Variants in RBM3 observed in about 807,000 individuals in gnomAD.
RBM3 encodes the protein RNA binding motif protein 3.
In RBM3, 3 loss-of-function variants were observed where a neutral mutation model predicts 12.0. The observed-to-expected ratio is 0.25, with a 90% CI of 0.11 to 0.65. RBM3 has a LOEUF of 0.65. RBM3 is among the 30% of genes least tolerant of loss of function. RBM3 has a pLI of 0.84. For synonymous variants in RBM3, 58 were observed against 45.7 expected, an observed-to-expected ratio of 1.27 and a Z score of -1.08; for missense variants, 108 against 134.5, an observed-to-expected ratio of 0.80 and a Z score of 0.97.
In RBM3 at chrX:48,577,008, G is replaced by T. The variant is rs201091323; in HGVS notation, c.414-18G>T. 5,143 of 1,204,602 alleles carry T rather than the reference G, an allele frequency of 4.3e-3. 13 individuals are homozygous for T. The highest frequency in any genetic ancestry group is 9.3e-3 in the South Asian group (525 of 56,307). On this transcript the variant is annotated intron_variant, in intron 5 of 6. Coordinates refer to ENST00000376759, the MANE Select transcript of RBM3 (RefSeq NM_006743.5). ...ATGCAGTACCAGAAAACTTTTGTGT[G>T]TTTTTTTTCCCCCCCAGAAACCAGG...
rs782290803 is a variant in RBM3 at position 48,575,180 on chromosome X, C to T, written c.-1C>T. The T allele has an allele frequency of 1.8e-5, 22 of 1,203,520 alleles. No individual in the cohort carries two copies. The highest frequency in any genetic ancestry group is 4.4e-5 in the Admixed American group (2 of 45,527). ...GTTCTTCCCACAGGACTTGAACTGCCATGTCCTCTGAAGAAGGAAAGCTCT... is the reference window on the plus strand; with the variant it reads ...GTTCTTCCCACAGGACTTGAACTGCTATGTCCTCTGAAGAAGGAAAGCTCT... On this transcript the variant is annotated 5_prime_UTR_variant, in exon 2 of 7. Transcript: ENST00000376759.
At chrX:48,575,367 A>G in intron 2 of RBM3, 84 bp downstream of exon 2, 4 of 930,351 alleles carry the variant, frequency 4.3e-6, no homozygotes, top group Non-Finnish European at 6.1e-6. Flanking sequence ...CTGAAAAGTT[A>G]GGACCCACGC....
chrX:48,577,680 A>C lies in RBM3; in HGVS notation c.*239A>C, dbSNP rs1206210559. ...AAGACAAATTATGGGACGTTTGTAG[A>C]ACCTGAGTATTTTTCTTTTTACCAG... On this transcript the variant is annotated 3_prime_UTR_variant, in exon 7 of 7. Transcript: ENST00000376759. 1 of 211,348 alleles carries C rather than the reference A, an allele frequency of 4.7e-6. No homozygotes were observed. Among genetic ancestry groups the C allele is most frequent in the Non-Finnish European group, 8.3e-6 (1 of 120,853 alleles). The allele number at this position is 211,348 out of a possible 1,213,427, so 17.4% of individuals were successfully genotyped here.
At position 48,580,372 on chromosome X, in the gene RBM3, A is replaced by G. The variant is rs1421859807; in HGVS notation, c.*2931A>G. 9.0e-6 allele frequency among the ~76,000 whole-genome samples: 1 copy of G among 110,597 alleles called. No homozygotes were observed. Among genetic ancestry groups the G allele is most frequent in the Non-Finnish European group, 1.9e-5 (1 of 52,846 alleles). ...CCATAAAATGGAAATAATAATACCC[A>G]CCTCACACAGGGGTTAGGAGTGTTT... On this transcript the variant is annotated 3_prime_UTR_variant, in exon 7 of 7. Coordinates refer to ENST00000376759, the MANE Select transcript of RBM3 (RefSeq NM_006743.5).
At position 48,576,518 on chromosome X, in the gene RBM3, C is replaced by T. The variant is rs376242874; in HGVS notation, c.327C>T (p.Asp109=). The T allele has an allele frequency of 3.5e-5, 42 of 1,193,269 alleles. No individual in the cohort carries two copies. Among genetic ancestry groups the T allele is most frequent in the Non-Finnish European group, 4.6e-5 (41 of 886,723 alleles). The change falls in exon 5 of 7, where the codon GAC becomes GAT. Residue 109 remains aspartate (D), a synonymous_variant. Transcript: ENST00000376759. ...RGRSYSRGGG[D]QGYGSGRYYD... ...ATTTTTCTGCTCTAGGTGGTGGGGA[C>T]CAGGGCTATGGGAGTGGCAGGTATT...
In RBM3 at chrX:48,579,237, T is replaced by C. The variant is rs1283481773; in HGVS notation, c.*1796T>C. Among the ~76,000 whole-genome samples the C allele has an allele frequency of 8.9e-6, 1 of 111,921 alleles. No homozygotes were observed. The highest frequency in any genetic ancestry group is 9.6e-5 in the Admixed American group (1 of 10,448). On this transcript the variant is annotated 3_prime_UTR_variant, in exon 7 of 7. Coordinates refer to ENST00000376759, the MANE Select transcript of RBM3 (RefSeq NM_006743.5). ...TAGTTTGGAACAGAAAAATCTGTTG[T>C]ATTCATGGCTTTCACCTGGCTAATA...
chrX:48,580,419 CAG>C lies in RBM3; in HGVS notation c.*2979_*2980del. Among the ~76,000 whole-genome samples the C allele has an allele frequency of 9.0e-6, 1 of 111,250 alleles. No homozygotes were observed. The highest frequency in any genetic ancestry group is 3.8e-4 in the South Asian group (1 of 2,665). On this transcript the variant is annotated 3_prime_UTR_variant, in exon 7 of 7. Coordinates refer to ENST00000376759, the MANE Select transcript of RBM3 (RefSeq NM_006743.5). ...GTTTTTTTGTTGGTTTTTTTCCAGA[CAG>C]GGTCTCACTCTGTCTCCCAGGCTGG...
intron 6 of RBM3, 159 bp downstream of exon 6, chrX:48,577,268 G>A (rs2062085128): frequency 2.8e-6 from 3 of 1,087,893 alleles, no homozygotes; most frequent in South Asian, 4.6e-5. Flanking sequence ...GCTCTCAGGT[G>A]CATATCAGAG....
rs1602134169 is a variant in RBM3 at position 48,578,638 on chromosome X, G to A, written c.*1197G>A. On this transcript the variant is annotated 3_prime_UTR_variant, in exon 7 of 7. Transcript: ENST00000376759. ...AATATTTGGTTGGTGGGTGGGCAGG[G>A]ACTGCCAGAGGGTTAGGTGTACATT... 3 of 111,635 alleles carry A rather than the reference G, an allele frequency of 2.7e-5. No homozygotes were observed. Among genetic ancestry groups the A allele is most frequent in the East Asian group, 2.8e-4 (1 of 3,579 alleles). The allele number at this position is 111,635 out of a possible 1,213,427, so 9.2% of individuals were successfully genotyped here. A position where few individuals can be genotyped will look rare whatever the true frequency, so the allele number is the denominator to read the frequency against.
chrX:48,576,256 C>T, intron 3 of RBM3, 58 bp from the exon 4 acceptor site: 2 of 1,175,007 alleles, frequency 1.7e-6, no homozygotes, highest in Non-Finnish European at 1.1e-6. Flanking sequence ...GCCTGCTCTT[C>T]CCTCACCATT....
rs1556990077 is a variant in RBM3 at position 48,579,495 on chromosome X, A to G, written c.*2054A>G. Among the ~76,000 whole-genome samples, 1 of 111,669 alleles carries G rather than the reference A, an allele frequency of 9.0e-6. No individual in the cohort carries two copies. Among genetic ancestry groups the G allele is most frequent in the African/African-American group, 3.3e-5 (1 of 30,743 alleles). On this transcript the variant is annotated 3_prime_UTR_variant, in exon 7 of 7. Transcript: ENST00000376759. ...AGACTTGGGAACTTCCACCTCACCC[A>G]CTAAGCCAGGCCCAGGCTATGGGGC...
chrX:48,574,664 T>C (rs2062071462), intron 1 of RBM3, 91 bp downstream of exon 1: 1 of 330,242 alleles, frequency 3.0e-6, no homozygotes, highest in African/African-American at 2.6e-5. Context: ...GGGAGAGTAA[T>C]GGCCACTGAC....
intron 2 of RBM3, 101 bp from the exon 3 acceptor site, chrX:48,575,459 GT>G: frequency 1.2e-6 from 1 of 844,319 alleles, no homozygotes; most frequent in East Asian, 3.4e-5. Flanking sequence ...GGAGCGCTCC[GT>G]TTTCCCTACC....
At chrX:48,577,234 A>G (rs1263578444) in intron 6 of RBM3, 125 bp downstream of exon 6, 1 of 1,145,380 alleles carries the variant, frequency 8.7e-7, no homozygotes, top group Non-Finnish European at 1.2e-6. Flanking sequence ...CAACCTACCA[A>G]ACATTCCTAG....
At position 48,576,394 on chromosome X, in the gene RBM3, T is replaced by G; in HGVS notation, c.291T>G (p.His97Gln). ...CCAGAGGAGGTGGCTTTGGGGCCCA[T>G]GGGCGTGGTCGCAGCTACTCTAGAG... ...RGTRGGGFGAHGRGRSYSRGG... is the reference protein window; with the variant it reads ...RGTRGGGFGAQGRGRSYSRGG... Residue 97 changes from histidine (H) to glutamine (Q), a missense_variant, in exon 4 of 7, where the codon CAT becomes CAG. By Grantham distance (24) the His-to-Gln change is conservative. This residue lies in a region of RBM3 where 65 missense variants were observed against 54.9 expected (regional missense o/e 1.18). Transcript: ENST00000376759. 1 of 1,210,846 alleles carries G rather than the reference T, an allele frequency of 8.3e-7. No individual in the cohort carries two copies. Among genetic ancestry groups the G allele is most frequent in the Non-Finnish European group, 1.1e-6 (1 of 895,172 alleles).
At chrX:48,576,688 C>G in intron 5 of RBM3, 84 bp downstream of exon 5, 2 of 1,109,021 alleles carry the variant, frequency 1.8e-6, no homozygotes, top group African/African-American at 1.8e-5. Flanking sequence ...GCATACCACA[C>G]CTTGCTGTTA....
rs782507077 is a variant in RBM3 at position 48,579,861 on chromosome X, C to CA, written c.*2421dup. On this transcript the variant is annotated 3_prime_UTR_variant, in exon 7 of 7. Transcript: ENST00000376759. The stretch of plus-strand genomic sequence containing the variant: ...TGTGATCATCCAGCCCAGGGAGTCC[C>CA]AGTCTCTGGCTGTCTATCTGCTCTA... 6 of 111,737 alleles carry CA rather than the reference C, an allele frequency of 5.4e-5. No individual in the cohort carries two copies. The South Asian group carries it at 2.2e-3, about 41-fold the overall frequency. The allele number at this position is 111,737 out of a possible 1,213,427, so 9.2% of individuals were successfully genotyped here.
chrX:48,575,958 G>A (rs993779063), intron 3 of RBM3: 3 of 628,980 alleles, frequency 4.8e-6, no homozygotes, highest in Non-Finnish European at 4.7e-6. Flanking sequence ...CTGGCCCGGA[G>A]AGGACCTCGT....
At chrX:48,574,741 G>A (rs782790511) in intron 1 of RBM3, 168 bp downstream of exon 1, 31 of 330,862 alleles carry the variant, frequency 9.4e-5, no homozygotes, top group Non-Finnish European at 1.5e-4. Context: ...TCGGTTGGTG[G>A]GAGGCCGGCG....
Sources: allele counts gnomAD v4.1 joint callset (sites outside exome capture counted in the v4.1 genomes callset), GRCh38; gene constraint gnomAD v4.1.1; regional missense constraint gnomAD v4.1.1; transcripts MANE v1.5; gene names NCBI Gene and HGNC (gene_info 2026-07-23, HGNC 2026-07-21).